KCNH7: variants seen among roughly 807,000 people sequenced by gnomAD.
KCNH7 encodes the protein voltage-gated inwardly rectifying potassium channel KCNH7.
A neutral mutation model predicts 120.8 loss-of-function variants in KCNH7; 49 were observed. The ratio of observed to expected loss-of-function variants is 0.41; its 90% CI spans 0.32 to 0.51. The LOEUF (loss-of-function observed/expected upper bound fraction) is 0.51. KCNH7 is among the 20% of genes least tolerant of loss of function. KCNH7 has a pLI of 0.38. For synonymous variants in KCNH7, 547 were observed against 516.1 expected, an observed-to-expected ratio of 1.06 and a Z score of -0.81; for missense variants, 1,097 against 1,446.6, an observed-to-expected ratio of 0.76 and a Z score of 3.92.
chr2:162,568,308 A>G (rs748630000), intron 2 of KCNH7, among the ~76,000 whole-genome samples: 13 of 152,024 alleles, frequency 8.6e-5, no homozygotes, highest in Admixed American at 2.0e-4. Flanking sequence ...GTACAGACAT[A>G]AAGCCAAACC....
At chr2:162,627,091 A>G (rs1683587730) in intron 2 of KCNH7, among the ~76,000 whole-genome samples, 1 of 152,190 alleles carries the variant, frequency 6.6e-6, no homozygotes, top group Admixed American at 6.5e-5. Context: ...TGTGGATTAC[A>G]TCTGTGGGGA....
chr2:162,394,349 A>C (rs1686838032), intron 12 of KCNH7, 40 bp downstream of exon 12: 1 of 1,123,220 alleles, frequency 8.9e-7, no homozygotes, highest in East Asian at 2.4e-5. Context: ...GCTAATTACC[A>C]CATGCTCTAC....
chr2:162,518,393 A>G (rs192890900), intron 3 of KCNH7, among the ~76,000 whole-genome samples: 6 of 151,988 alleles, frequency 3.9e-5, no homozygotes, highest in Admixed American at 3.9e-4. Context: ...GATCCACATC[A>G]GTGACATAAA....
At chr2:162,666,027 A>G (rs1021810401) in intron 2 of KCNH7, among the ~76,000 whole-genome samples, 5 of 152,142 alleles carry the variant, frequency 3.3e-5, no homozygotes, top group Admixed American at 3.3e-4. Flanking sequence ...TATATTCTTT[A>G]TTTTAGTGTA....
chr2:162,739,651 G>T (rs1006154212), intron 2 of KCNH7, among the ~76,000 whole-genome samples: 1 of 152,118 alleles, frequency 6.6e-6, no homozygotes, highest in Non-Finnish European at 1.5e-5. Context: ...TCCCAGGCCA[G>T]GCATGTTCCT....
At chr2:162,607,460 C>A (rs950821625) in intron 2 of KCNH7, among the ~76,000 whole-genome samples, 1 of 151,288 alleles carries the variant, frequency 6.6e-6, no homozygotes, top group South Asian at 2.1e-4. Context: ...GGTGGTGGGA[C>A]TAAAAATTTA....
intron 2 of KCNH7, among the ~76,000 whole-genome samples, chr2:162,552,880 A>C (rs904300909): frequency 6.6e-6 from 1 of 152,198 alleles, no homozygotes; most frequent in Admixed American, 6.5e-5. Flanking sequence ...ACCCGAGTCC[A>C]GATGAGAACC....
At chr2:162,826,633 T>C (rs145668873) in intron 2 of KCNH7, among the ~76,000 whole-genome samples, 1,777 of 152,226 alleles carry the variant, frequency 0.012, 52 homozygotes, top group Admixed American at 0.05. Flanking sequence ...CACAAGATGG[T>C]GAATGCATGA....
intron 2 of KCNH7, among the ~76,000 whole-genome samples, chr2:162,596,492 T>C (rs1694385701): frequency 6.6e-6 from 1 of 152,032 alleles, no homozygotes; most frequent in Non-Finnish European, 1.5e-5. Context: ...TTGGAAAAAC[T>C]GGCTCTCTAC....
At chr2:162,568,106 T>C (rs1341262861) in intron 2 of KCNH7, among the ~76,000 whole-genome samples, 2 of 151,926 alleles carry the variant, frequency 1.3e-5, no homozygotes, top group Non-Finnish European at 2.9e-5. Flanking sequence ...CTTCTTCACA[T>C]GGCAGCAGAA....
intron 2 of KCNH7, among the ~76,000 whole-genome samples, chr2:162,674,320 ATTTTAAAT>A (rs1365494928): frequency 6.6e-6 from 1 of 151,762 alleles, no homozygotes; most frequent in Non-Finnish European, 1.5e-5. Flanking sequence ...ACGGGAAAAG[ATTTTAAAT>A]TTTAATGAAA....
intron 2 of KCNH7, among the ~76,000 whole-genome samples, chr2:162,756,272 C>T (rs1688786575): frequency 6.6e-6 from 1 of 152,008 alleles, no homozygotes; most frequent in African/African-American, 2.4e-5. Context: ...GAATGATGTA[C>T]CAATGTTCCA....
intron 2 of KCNH7, among the ~76,000 whole-genome samples, chr2:162,680,903 T>C (rs552257968): frequency 6.6e-6 from 1 of 151,882 alleles, no homozygotes; most frequent in African/African-American, 2.4e-5. Context: ...CAGTTTAGCT[T>C]CAGGTTACAG....
At chr2:162,376,384 T>TA (rs1558914516) in intron 14 of KCNH7, among the ~76,000 whole-genome samples, 2 of 149,430 alleles carry the variant, frequency 1.3e-5, no homozygotes, top group African/African-American at 5.1e-5. Context: ...TTTTTTTTTT[T>TA]AGATGGAGTC....
intron 2 of KCNH7, among the ~76,000 whole-genome samples, chr2:162,645,878 A>G (rs1328312618): frequency 1.3e-5 from 2 of 151,094 alleles, no homozygotes; most frequent in South Asian, 4.2e-4. Flanking sequence ...CCAGTGAGAG[A>G]ATTTGAACTT....
chr2:162,570,817 C>T (rs1419397676), intron 2 of KCNH7, among the ~76,000 whole-genome samples: 1 of 152,008 alleles, frequency 6.6e-6, no homozygotes, highest in African/African-American at 2.4e-5. Flanking sequence ...TCAATAGATG[C>T]AGAAAAGGCC....
At chr2:162,511,936 G>T (rs1691093942) in intron 5 of KCNH7, among the ~76,000 whole-genome samples, 1 of 151,654 alleles carries the variant, frequency 6.6e-6, no homozygotes, top group African/African-American at 2.4e-5. Flanking sequence ...TCAATTTGAT[G>T]ATAATAATAT....
intron 6 of KCNH7, among the ~76,000 whole-genome samples, chr2:162,500,080 C>A (rs1690625729): frequency 6.6e-6 from 1 of 150,728 alleles, no homozygotes; most frequent in Non-Finnish European, 1.5e-5. Context: ...ATTCTGAATT[C>A]CCAGCACCTA....
rs182306471 is a variant in KCNH7, at chr2:162,439,432, C to T, written c.1555-3835G>A. Among the ~76,000 whole-genome samples, 43 of 152,108 alleles carry T rather than the reference C, an allele frequency of 2.8e-4. No homozygotes were observed. The East Asian group carries it at 8.1e-3, about 29-fold the overall frequency. On this transcript the variant is annotated intron_variant, in intron 7 of 15. Coordinates refer to ENST00000332142, the MANE Select transcript of KCNH7 (RefSeq NM_033272.4). Reference sequence around the variant, plus strand: ...CATTGAAGCAAGGCACTTTGTTTTCCAGTCCTGCCACTAACTATAGCAAAG... The same window carrying T: ...CATTGAAGCAAGGCACTTTGTTTTCTAGTCCTGCCACTAACTATAGCAAAG...
Sources: gnomAD v4.1 joint callset for allele counts (sites outside exome capture counted in the v4.1 genomes callset) on GRCh38, gnomAD v4.1.1 for gene constraint, MANE v1.5 for transcripts, NCBI Gene and HGNC (gene_info 2026-07-23, HGNC 2026-07-21) for gene names.